Variants in HACD4 observed in about 807,000 individuals in gnomAD.
The protein encoded by HACD4 is very-long-chain (3R)-3-hydroxyacyl-CoA dehydratase 4.
HACD4 carries 35 observed loss-of-function variants against 33.3 expected under a neutral mutation model. That is an observed-to-expected ratio of 1.05 (90% CI 0.80 to 1.39). The LOEUF is 1.39. Ranked by LOEUF, HACD4 falls within the 40% of genes most tolerant of loss-of-function variation. The pLI is 0.00. For missense variants in HACD4, 323 were observed against 276.5 expected (o/e 1.17, Z -1.19); for synonymous variants, 118 against 98.0 (o/e 1.20, Z -1.21).
intron 5 of HACD4, among the ~76,000 whole-genome samples, chr9:21,009,125 G>A (rs1430029094): frequency 1.3e-5 from 2 of 152,032 alleles, no homozygotes; most frequent in Non-Finnish European, 2.9e-5. Context: ...CTGTCAGATG[G>A]GAAATTATAG....
At chr9:21,021,948 C>G (rs1322577817) in intron 3 of HACD4, among the ~76,000 whole-genome samples, 1 of 152,038 alleles carries the variant, frequency 6.6e-6, no homozygotes, top group Non-Finnish European at 1.5e-5. Flanking sequence ...AAGAACAAAG[C>G]TAGAGGCATC....
In HACD4 at chr9:21,031,353, CAG is replaced by C. The variant is rs1216551198; in HGVS notation, c.38+198_38+199del. On this transcript the variant is annotated intron_variant, in intron 1 of 6. Transcript: ENST00000495827. The stretch of plus-strand genomic sequence containing the variant: ...TTCAACTGTAAAATGGAGAAAATAA[CAG>C]AGCCTGCTTCCTAGGGTGGTCAAGA... 9.7e-6 allele frequency: 6 copies of C among 617,438 alleles called. No homozygotes were observed. In the Admixed American group the frequency reaches 3.8e-4, roughly 39 times the overall value. The allele number at this position is 617,438 out of a possible 1,614,324, so 38.2% of individuals were successfully genotyped here. A position where few individuals can be genotyped will look rare whatever the true frequency, so the allele number is the denominator to read the frequency against.
intron 3 of HACD4, among the ~76,000 whole-genome samples, chr9:21,024,280 C>T (rs1818008960): frequency 6.6e-6 from 1 of 152,230 alleles, no homozygotes; most frequent in Non-Finnish European, 1.5e-5. Flanking sequence ...ACAACCACAA[C>T]AAAAATTGAT....
At chr9:21,026,816 T>C in intron 2 of HACD4, 93 bp from the exon 3 acceptor site, 1 of 975,694 alleles carries the variant, frequency 1.0e-6, no homozygotes, top group Non-Finnish European at 1.6e-6. Flanking sequence ...ATGGAGATTA[T>C]TCACTTCCTT....
intron 2 of HACD4, among the ~76,000 whole-genome samples, chr9:21,028,560 A>G (rs1818125242): frequency 6.6e-6 from 1 of 152,230 alleles, no homozygotes; most frequent in Non-Finnish European, 1.5e-5. Context: ...TGAGCACAGC[A>G]TGACTTTTCC....
At chr9:21,013,897 G>T (rs1421213758) in intron 4 of HACD4, among the ~76,000 whole-genome samples, 1 of 152,032 alleles carries the variant, frequency 6.6e-6, no homozygotes, top group Non-Finnish European at 1.5e-5. Context: ...TTGCTTTCCA[G>T]CCTAGATGCC....
At chr9:21,028,145 AAAAAAAG>A (rs1297137726) in intron 2 of HACD4, among the ~76,000 whole-genome samples, 4 of 151,112 alleles carry the variant, frequency 2.6e-5, no homozygotes, top group Non-Finnish European at 2.9e-5. Flanking sequence ...CAAAAAAAAA[AAAAAAAG>A]AAAAAAGAAA....
At position 21,007,051 on chromosome 9, in the gene HACD4, T is replaced by C. The variant is rs1253559233; in HGVS notation, c.685A>G (p.Lys229Glu). Residue 229 changes from lysine to glutamate, a missense_variant, in exon 7 of 7, where the codon AAA (lysine) becomes GAA (glutamate). Coordinates refer to ENST00000495827, the MANE Select transcript of HACD4 (RefSeq NM_001010915.5). ...RDILGIFPIKKKKM is the reference protein window; with the variant it reads ...RDILGIFPIKEKKM ...AATGCTGTACTTCACATCTTCTTTT[T>C]TTTAATGGGAAAGATTCCGAGGATG... 1.3e-6 allele frequency: 2 copies of C among 1,575,800 alleles called. No individual in the cohort carries two copies. Among genetic ancestry groups the C allele is most frequent in the Non-Finnish European group, 1.7e-6 (2 of 1,145,280 alleles).
chr9:21,019,827 A>G (rs559961491), intron 3 of HACD4, among the ~76,000 whole-genome samples: 84 of 151,834 alleles, frequency 5.5e-4, no homozygotes, highest in African/African-American at 1.7e-3. Context: ...TCCAAGCTCA[A>G]AACTGGTGAG....
chr9:21,008,218 A>G (rs1329601747), intron 5 of HACD4, 72 bp from the exon 6 acceptor site: 4 of 1,253,674 alleles, frequency 3.2e-6, no homozygotes, highest in Non-Finnish European at 4.3e-6. Flanking sequence ...ATATGTCTTC[A>G]TAGTTGTAGG....
At chr9:21,008,319 G>A (rs1157223527) in intron 5 of HACD4, among the ~76,000 whole-genome samples, 173 bp from the exon 6 acceptor site, 1 of 152,140 alleles carries the variant, frequency 6.6e-6, no homozygotes, top group Admixed American at 6.6e-5. Flanking sequence ...AAATGATTAA[G>A]TTGGCAAGGT....
chr9:21,019,409 A>T (rs1817845463), intron 3 of HACD4, among the ~76,000 whole-genome samples: 1 of 152,146 alleles, frequency 6.6e-6, no homozygotes, highest in South Asian at 2.1e-4. Flanking sequence ...TAATTATTAT[A>T]TACAGGAAAA....
In HACD4 at chr9:21,005,306, G is replaced by A. The variant is rs4129713; in HGVS notation, c.*1731C>T. On this transcript the variant is annotated 3_prime_UTR_variant, in exon 7 of 7. Transcript: ENST00000495827. The surrounding 1 kb of genome is among the most constrained non-coding windows in gnomAD (Gnocchi z 4.0). Reference sequence around the variant, plus strand: ...AGAATTCTTAACAAAAACGGAACCAGAACTTAAAAGATGTGGGAAATTATC... The same window carrying A: ...AGAATTCTTAACAAAAACGGAACCAAAACTTAAAAGATGTGGGAAATTATC... The A allele has an allele frequency of 6.6e-6, 1 of 152,044 alleles. No individual in the cohort carries two copies. The highest frequency in any genetic ancestry group is 2.1e-4 in the South Asian group (1 of 4,828). 9.4% of individuals were successfully genotyped at this position (152,044 alleles called of 1,614,324 possible).
intron 1 of HACD4, among the ~76,000 whole-genome samples, chr9:21,030,403 C>T (rs1818179797): frequency 1.3e-5 from 2 of 152,136 alleles, no homozygotes; most frequent in South Asian, 2.1e-4. Context: ...GACAGCGCCA[C>T]TGCACTCCAG....
At chr9:21,008,556 T>A (rs1378853784) in intron 5 of HACD4, among the ~76,000 whole-genome samples, 1 of 152,074 alleles carries the variant, frequency 6.6e-6, no homozygotes, top group Non-Finnish European at 1.5e-5. Flanking sequence ...TGTGAGAAAT[T>A]CTGTAATAAA....
In HACD4 at chr9:21,000,445, G is replaced by C. The variant is rs1842150442; in HGVS notation, c.*6592C>G. 1 of 152,096 alleles carries C rather than the reference G, an allele frequency of 6.6e-6. No individual in the cohort carries two copies. Among genetic ancestry groups the C allele is most frequent in the Non-Finnish European group, 1.5e-5 (1 of 67,998 alleles). The allele number at this position is 152,096 out of a possible 1,614,324, so 9.4% of individuals were successfully genotyped here. A position where few individuals can be genotyped will look rare whatever the true frequency, so the allele number is the denominator to read the frequency against. On this transcript the variant is annotated 3_prime_UTR_variant, in exon 7 of 7. Transcript: ENST00000495827. ...GGTTCTCAAACTTTTCTGTGCATGA[G>C]GCTCATTTGAGGAGTCTATCAAAAG...
rs138082086 is a variant in HACD4, at chr9:21,028,333, A to C, written c.142+962T>G. ...GGGCTAGAAGTGATGGCTTTTTAAT[A>C]AAAATATAAAAGAAGTTTTCCCATC... On this transcript the variant is annotated intron_variant, in intron 2 of 6. Coordinates refer to ENST00000495827, the MANE Select transcript of HACD4 (RefSeq NM_001010915.5). Among the ~76,000 whole-genome samples the C allele has an allele frequency of 5.2e-3, 786 of 152,230 alleles. 7 individuals are homozygous for C. The highest frequency in any genetic ancestry group is 0.017 in the African/African-American group (724 of 41,532).
intron 3 of HACD4, among the ~76,000 whole-genome samples, chr9:21,018,234 A>T (rs1418331784): frequency 1.3e-5 from 2 of 152,214 alleles, no homozygotes; most frequent in Non-Finnish European, 2.9e-5. Flanking sequence ...CCAGGTTCCA[A>T]ATATACACCA....
chr9:21,008,092 G>A lies in HACD4; in HGVS notation c.545C>T (p.Thr182Ile). 1.2e-6 allele frequency: 2 copies of A among 1,611,032 alleles called. No individual in the cohort carries two copies. The highest frequency in any genetic ancestry group is 1.7e-6 in the Non-Finnish European group (2 of 1,178,312). Residue 182 changes from threonine (T) to isoleucine (I), a missense_variant, in exon 6 of 7, where the codon ACC becomes ATC. Thr to Ile is a moderately conservative substitution (Grantham distance 89). Coordinates refer to ENST00000495827, the MANE Select transcript of HACD4 (RefSeq NM_001010915.5). Reference protein sequence around the residue: ...PYFESFGTYSTKLPFDLSIYF... With the variant: ...PYFESFGTYSIKLPFDLSIYF... ...GATGGATAAGTCAAAGGGCAGCTTG[G>A]TGGAATAAGTGCCAAATGATTCAAA... is the stretch of plus-strand genomic sequence containing the variant.
Sources: allele counts gnomAD v4.1 joint callset (sites outside exome capture counted in the v4.1 genomes callset), GRCh38; gene constraint gnomAD v4.1.1; non-coding constraint Gnocchi (gnomAD v3.1); transcripts MANE v1.5; gene names NCBI Gene and HGNC (gene_info 2026-07-23, HGNC 2026-07-21).